The following AP3D1 variants were observed in gnomAD, a reference collection of about 807,000 sequenced individuals.
AP3D1 encodes the protein AP-3 complex subunit delta-1.
AP3D1 carries 51 observed loss-of-function variants against 147.6 expected under a neutral mutation model. The ratio of observed to expected loss-of-function variants is 0.35; its 90% CI spans 0.28 to 0.44. The LOEUF is 0.44. Ranked by LOEUF, AP3D1 falls within the 20% of genes least tolerant of loss-of-function variation. The pLI is 1.00. For missense variants in AP3D1, 1,421 were observed against 1,624.2 expected, an observed-to-expected ratio of 0.87 and a Z score of 2.15; for synonymous variants, 760 against 663.0, an observed-to-expected ratio of 1.15 and a Z score of -2.25.
At chr19:2,130,184 A>G (rs530044482) in intron 6 of AP3D1, among the ~76,000 whole-genome samples, 10 of 152,256 alleles carry the variant, frequency 6.6e-5, no homozygotes, top group Admixed American at 6.5e-4. Context: ...GGGACACGCC[A>G]GACTCACCGC....
chr19:2,114,622 G>GCCCCCCCCCCCCCCCCCCC, intron 21 of AP3D1, 126 bp downstream of exon 21: 4 of 665,750 alleles, frequency 6.0e-6, no homozygotes, highest in East Asian at 2.8e-5. Context: ...TCTGGGGAAG[G>GCCCCCCCCCCCCCCCCCCC]CCCGCCCGCA....
At chr19:2,160,180 G>A (rs1485086049) in intron 1 of AP3D1, among the ~76,000 whole-genome samples, 2 of 152,146 alleles carry the variant, frequency 1.3e-5, no homozygotes, top group Non-Finnish European at 2.9e-5. Flanking sequence ...TTTCAAACCT[G>A]TAACAGGAAC....
At position 2,132,644 on chromosome 19, in the gene AP3D1, C is replaced by T. The variant is rs1450232313; in HGVS notation, c.355-66G>A. 37 of 1,430,610 alleles carry T rather than the reference C, an allele frequency of 2.6e-5. No homozygotes were observed. The Middle Eastern group carries it at 5.7e-4, about 22-fold the overall frequency. The allele number at this position is 1,430,610 out of a possible 1,614,324, so 88.6% of individuals were successfully genotyped here. A position where few individuals can be genotyped will look rare whatever the true frequency, so the allele number is the denominator to read the frequency against. On this transcript the variant is annotated intron_variant, in intron 4 of 31. Transcript: ENST00000643116. ...GGTGGCACATCCGACGCCTGGGTCA[C>T]CAGGAGCAGCAGGAGCGAAATTCTC...
chr19:2,129,551 G>A, intron 6 of AP3D1, 94 bp from the exon 7 acceptor site: 1 of 1,440,718 alleles, frequency 6.9e-7, no homozygotes, highest in South Asian at 1.4e-5. Flanking sequence ...TCTGGGGCCT[G>A]CAGCAGCTCC....
rs1318276451 is a variant in AP3D1 at position 2,118,602 on chromosome 19, C to T, written c.1712G>A (p.Arg571Gln). The T allele has an allele frequency of 1.9e-6, 3 of 1,607,120 alleles. No individual in the cohort carries two copies. The highest frequency in any genetic ancestry group is 1.3e-5 in the African/African-American group (1 of 74,916). Residue 571 changes from arginine to glutamine, a missense_variant and splice_region_variant, in exon 15 of 32, where the codon CGG (arginine) becomes CAG (glutamine). This residue lies in a region of AP3D1 where 310 missense variants were observed against 388.1 expected (regional missense o/e 0.80). Transcript: ENST00000643116. ...CCAACACGGAGTGTTGGATCTTACCCGCTCCTGCACCTCCAGGTCTGCGCT... is the reference window on the plus strand; with the variant it reads ...CCAACACGGAGTGTTGGATCTTACCTGCTCCTGCACCTCCAGGTCTGCGCT... ...VQSADLEVQE[R>Q]ASCILQLVKH...
chr19:2,147,681 GT>G (rs1460434761), intron 1 of AP3D1, among the ~76,000 whole-genome samples: 1 of 151,834 alleles, frequency 6.6e-6, no homozygotes, highest in Non-Finnish European at 1.5e-5. Context: ...AGATCACGAG[GT>G]CAAGAGATTG....
At chr19:2,152,536 C>G (rs2019563816), upstream of AP3D1, among the ~76,000 whole-genome samples, 1 of 147,852 alleles carries the variant, frequency 6.8e-6, no homozygotes, top group Non-Finnish European at 1.5e-5. Flanking sequence ...AGCAAGACTC[C>G]GTCTAAAAAA....
chr19:2,105,233 G>A (rs907812478), intron 31 of AP3D1, among the ~76,000 whole-genome samples: 3 of 152,202 alleles, frequency 2.0e-5, no homozygotes, highest in African/African-American at 7.2e-5. Context: ...GGTGTTGGGA[G>A]CAGGCCCCCC....
chr19:2,111,585 A>C, intron 25 of AP3D1, 94 bp downstream of exon 25: 1 of 1,441,136 alleles, frequency 6.9e-7, no homozygotes, highest in Non-Finnish European at 9.3e-7. Context: ...GAATCTGCTC[A>C]GTTCTCTCCC....
At chr19:2,156,598 C>A (rs1051834638) in intron 1 of AP3D1, among the ~76,000 whole-genome samples, 1 of 149,310 alleles carries the variant, frequency 6.7e-6, no homozygotes, top group Non-Finnish European at 1.5e-5. Context: ...CGCCTGTAAT[C>A]CCAGCCCTTT....
intron 15 of AP3D1, among the ~76,000 whole-genome samples, chr19:2,117,583 G>T (rs1214233357): frequency 6.6e-6 from 1 of 152,228 alleles, no homozygotes; most frequent in African/African-American, 2.4e-5. Context: ...GAACAGAGAT[G>T]GGGGCACAAC....
chr19:2,121,913 C>A, intron 11 of AP3D1, 34 bp from the exon 12 acceptor site: 2 of 1,579,128 alleles, frequency 1.3e-6, no homozygotes, highest in South Asian at 2.3e-5. Flanking sequence ...GTCACTGGGA[C>A]GGACACAGGC....
upstream of AP3D1, among the ~76,000 whole-genome samples, chr19:2,152,925 A>G (rs1164990595): frequency 2.0e-5 from 3 of 152,010 alleles, no homozygotes; most frequent in African/African-American, 4.8e-5. Flanking sequence ...TTTACAATAC[A>G]TATATCTGAC....
In AP3D1 at chr19:2,116,739, G is replaced by T. The variant is rs780045016; in HGVS notation, c.1867C>A (p.Leu623Met). Residue 623 changes from leucine to methionine, a missense_variant, in exon 17 of 32, where the codon CTG becomes ATG. Transcript: ENST00000643116. Reference protein sequence around the residue: ...KKVPVPEGLDLDAWINEPLSD... With the variant: ...KKVPVPEGLDMDAWINEPLSD... ...AGTGGCTCATTGATCCAGGCGTCCA[G>T]GTCCAGGCTGCACCGGACAGGAGGG... 6.2e-7 allele frequency: 1 copy of T among 1,609,762 alleles called. No individual in the cohort carries two copies. The highest frequency in any genetic ancestry group is 1.3e-5 in the African/African-American group (1 of 74,806).
In AP3D1 at chr19:2,123,401, A is replaced by G; in HGVS notation, c.912T>C (p.Cys304=). 6.2e-7 allele frequency: 1 copy of G among 1,613,990 alleles called. No individual in the cohort carries two copies. The change falls in exon 11 of 32, where the codon TGT becomes TGC. Residue 304 remains cysteine, a synonymous_variant. Transcript: ENST00000643116. ...CGATCAATATCCTTAATTTCTGAAC[A>G]CAAAGCTGAAAAGAAGAAAAAAACG... ...MPNHSASIQL[C]VQKLRILIED... is the part of the protein sequence containing the mutation.
At chr19:2,153,539 G>C (rs1032242148), upstream of AP3D1, among the ~76,000 whole-genome samples, 1 of 152,070 alleles carries the variant, frequency 6.6e-6, no homozygotes, top group Non-Finnish European at 1.5e-5. Context: ...AGTCAGGCAT[G>C]GTTGTGGGCA....
rs571649099 is a variant in AP3D1, at chr19:2,158,882, G to A, written c.-103+5474C>T. 5.1e-4 allele frequency among the ~76,000 whole-genome samples: 78 copies of A among 152,324 alleles called. 1 individual carries two copies. The highest frequency in any genetic ancestry group is 1.8e-3 in the African/African-American group (75 of 41,580). On this transcript the variant is annotated intron_variant, in intron 1 of 14. Transcript: ENST00000643010. ...GTTTCAAAGTTAAACTATAAACTAA[G>A]TTACTCCCAAAATTAGTTTGGCCTG...
chr19:2,103,218 A>G (rs2018008519), intron 31 of AP3D1, among the ~76,000 whole-genome samples: 1 of 142,728 alleles, frequency 7.0e-6, no homozygotes, highest in African/African-American at 2.9e-5. Flanking sequence ...TTTGCTAATT[A>G]TTAAAAAAAA....
chr19:2,162,406 G>C (rs559437306), intron 1 of AP3D1, among the ~76,000 whole-genome samples: 1 of 149,778 alleles, frequency 6.7e-6, no homozygotes, highest in Non-Finnish European at 1.5e-5. Context: ...TCCGAATTTC[G>C]AATTTCGGGA....
Sources: allele counts gnomAD v4.1 joint callset (sites outside exome capture counted in the v4.1 genomes callset), GRCh38; gene constraint gnomAD v4.1.1; regional missense constraint gnomAD v4.1.1; transcripts MANE v1.5; gene names NCBI Gene and HGNC (gene_info 2026-07-23, HGNC 2026-07-21).